NKAIN3: variants seen among roughly 807,000 people sequenced by gnomAD.
The protein encoded by NKAIN3 is sodium/potassium transporting ATPase interacting 3, also known as sodium/potassium-transporting ATPase subunit beta-1-interacting protein 3.
NKAIN3 carries 25 observed loss-of-function variants against 30.2 expected under a neutral mutation model. The ratio of observed to expected loss-of-function variants is 0.83; its 90% CI spans 0.60 to 1.16. The LOEUF is 1.16. Ranked by LOEUF, NKAIN3 falls within the 50% of genes most tolerant of loss-of-function variation. The probability of loss-of-function intolerance (pLI) is 0.00; values close to 1 mark genes in which losing one functional copy is unlikely to be tolerated. For synonymous variants in NKAIN3, 91 were observed against 89.6 expected, an observed-to-expected ratio of 1.02 and a Z score of -0.09; for missense variants, 225 against 254.1, an observed-to-expected ratio of 0.89 and a Z score of 0.78.
intron 4 of NKAIN3, among the ~76,000 whole-genome samples, chr8:62,899,129 A>G (rs552283689): frequency 6.6e-6 from 1 of 152,312 alleles, no homozygotes; most frequent in South Asian, 2.1e-4. Context: ...TATACTGTTG[A>G]TGGGAATGTA....
intron 1 of NKAIN3, among the ~76,000 whole-genome samples, chr8:62,342,163 A>G (rs532955434): frequency 6.8e-6 from 1 of 146,434 alleles, no homozygotes; most frequent in Admixed American, 6.9e-5. Flanking sequence ...GATATAAAAG[A>G]GGTGTCTTAT....
chr8:62,603,846 C>A (rs1811049548), intron 3 of NKAIN3, among the ~76,000 whole-genome samples: 2 of 152,010 alleles, frequency 1.3e-5, no homozygotes, highest in Admixed American at 1.3e-4. Flanking sequence ...AAGATTAAAT[C>A]AAATATATGA....
intron 4 of NKAIN3, among the ~76,000 whole-genome samples, chr8:62,808,339 A>G (rs1818371339): frequency 6.6e-6 from 1 of 152,188 alleles, no homozygotes; most frequent in African/African-American, 2.4e-5. Context: ...CTCATTTTAT[A>G]ATAGTAGTTC....
chr8:62,588,376 G>A (rs902142158), intron 2 of NKAIN3, among the ~76,000 whole-genome samples: 4 of 151,620 alleles, frequency 2.6e-5, no homozygotes, highest in African/African-American at 7.3e-5. Flanking sequence ...AATTTCCAGT[G>A]ATTTTTGAGC....
chr8:62,411,110 A>T (rs1804223465), intron 1 of NKAIN3, among the ~76,000 whole-genome samples: 1 of 152,202 alleles, frequency 6.6e-6, no homozygotes. Context: ...CAAAAGCTTT[A>T]GGCCAATATC....
At chr8:62,604,144 TG>T (rs1811056157) in intron 3 of NKAIN3, among the ~76,000 whole-genome samples, 1 of 151,884 alleles carries the variant, frequency 6.6e-6, no homozygotes, top group African/African-American at 2.4e-5. Flanking sequence ...TAGAAAATAG[TG>T]AGAAAGTTAC....
At chr8:62,392,824 A>G (rs929942111) in intron 1 of NKAIN3, among the ~76,000 whole-genome samples, 6 of 152,084 alleles carry the variant, frequency 3.9e-5, no homozygotes, top group African/African-American at 1.4e-4. Flanking sequence ...AATTTTTTAA[A>G]TATTTCAAAT....
At chr8:62,460,121 G>A (rs1328309483) in intron 1 of NKAIN3, among the ~76,000 whole-genome samples, 1 of 152,096 alleles carries the variant, frequency 6.6e-6, no homozygotes, top group Non-Finnish European at 1.5e-5. Flanking sequence ...AAAGCAATAA[G>A]AAAACTGGCA....
chr8:62,720,360 A>G (rs1453007777), intron 3 of NKAIN3, among the ~76,000 whole-genome samples: 1 of 152,192 alleles, frequency 6.6e-6, no homozygotes, highest in African/African-American at 2.4e-5. Context: ...TGTGTGGTAC[A>G]TTCTATTACA....
chr8:62,966,017 T>G lies in NKAIN3; in HGVS notation c.*610T>G. On this transcript the variant is annotated 3_prime_UTR_variant, in exon 7 of 7. Coordinates refer to ENST00000623646, the MANE Select transcript of NKAIN3 (RefSeq NM_001304533.3). ...ATGGCAATCTAAATTTTCAGATTCG[T>G]GCATATCTTGTTTTTCCTGATATAT... is the stretch of plus-strand genomic sequence containing the variant. 1 of 984,994 alleles carries G rather than the reference T, an allele frequency of 1.0e-6. No homozygotes were observed. Among genetic ancestry groups the G allele is most frequent in the Non-Finnish European group, 1.2e-6 (1 of 829,558 alleles). 61.0% of individuals were successfully genotyped at this position (984,994 alleles called of 1,614,324 possible). A position where few individuals can be genotyped will look rare whatever the true frequency, so the allele number is the denominator to read the frequency against.
intron 1 of NKAIN3, among the ~76,000 whole-genome samples, chr8:62,536,805 T>C (rs1312924809): frequency 6.6e-6 from 1 of 152,198 alleles, no homozygotes; most frequent in African/African-American, 2.4e-5. Context: ...TTTAGTTCAC[T>C]TTTCCCAAAC....
At chr8:62,950,775 C>G (rs1386499185) in intron 5 of NKAIN3, among the ~76,000 whole-genome samples, 2 of 150,376 alleles carry the variant, frequency 1.3e-5, no homozygotes, top group Non-Finnish European at 3.0e-5. Context: ...ACAAGTTGCC[C>G]TGGCACTTTA....
chr8:62,306,134 G>C (rs1415822126), intron 1 of NKAIN3, among the ~76,000 whole-genome samples: 1 of 150,506 alleles, frequency 6.6e-6, no homozygotes, highest in African/African-American at 2.5e-5. Context: ...GTTTATACCT[G>C]CCATTAATTC....
chr8:62,682,626 G>A (rs1279049495), intron 3 of NKAIN3, among the ~76,000 whole-genome samples: 8 of 152,172 alleles, frequency 5.3e-5, no homozygotes, highest in Admixed American at 3.3e-4. Flanking sequence ...AGATGCTTTT[G>A]AGGTGGAGGG....
chr8:62,561,715 A>G (rs1245012523), intron 1 of NKAIN3, among the ~76,000 whole-genome samples: 2 of 152,180 alleles, frequency 1.3e-5, no homozygotes, highest in Non-Finnish European at 2.9e-5. Flanking sequence ...GATACTGTAC[A>G]TAATGCCAAC....
rs1241448588 is a variant in NKAIN3, at chr8:62,968,572, A to G, written c.*3165A>G. Among the ~76,000 whole-genome samples, 1 of 152,212 alleles carries G rather than the reference A, an allele frequency of 6.6e-6. No homozygotes were observed. The highest frequency in any genetic ancestry group is 1.5e-5 in the Non-Finnish European group (1 of 68,044). Reference sequence around the variant, plus strand: ...GAGATGGTGCAGCTCTAGATTCAATAGCTCTCCTCAGAAGTGGCCCTGGCA... The same window carrying G: ...GAGATGGTGCAGCTCTAGATTCAATGGCTCTCCTCAGAAGTGGCCCTGGCA... On this transcript the variant is annotated 3_prime_UTR_variant, in exon 7 of 7. Transcript: ENST00000623646.
Position 62,345,462 on chromosome 8 carries a change from T to TAC in NKAIN3, c.54+96339_54+96340dup, listed in dbSNP as rs1168960428. Among the ~76,000 whole-genome samples, 155 of 25,544 alleles carry TAC rather than the reference T, an allele frequency of 6.1e-3. 29 individuals carry two copies. The highest frequency in any genetic ancestry group is 0.014 in the African/African-American group (146 of 10,778). The allele number at this position is 25,544 out of a possible 152,430, so 16.8% of individuals were successfully genotyped here. ...GTATATATACACACATATGTATATA[T>TAC]ACACATATATACACATATATGTATA... On this transcript the variant is annotated intron_variant, in intron 1 of 6. Coordinates refer to ENST00000623646, the MANE Select transcript of NKAIN3 (RefSeq NM_001304533.3).
chr8:62,927,200 A>G (rs1177260511), intron 5 of NKAIN3, among the ~76,000 whole-genome samples: 1 of 151,914 alleles, frequency 6.6e-6, no homozygotes, highest in Non-Finnish European at 1.5e-5. Context: ...ACTCACTCTC[A>G]TGCCTCCTGA....
intron 3 of NKAIN3, among the ~76,000 whole-genome samples, chr8:62,692,095 G>A (rs1037365034): frequency 6.6e-6 from 1 of 152,134 alleles, no homozygotes; most frequent in Non-Finnish European, 1.5e-5. Context: ...GTCATGGCAG[G>A]TTCCGAGAGA....
Sources: allele counts gnomAD v4.1 joint callset (sites outside exome capture counted in the v4.1 genomes callset), GRCh38; gene constraint gnomAD v4.1.1; transcripts MANE v1.5; gene names NCBI Gene and HGNC (gene_info 2026-07-23, HGNC 2026-07-21).